AOPEP: variants seen among roughly 807,000 people sequenced by gnomAD.
AOPEP encodes the protein aminopeptidase O (putative), also known as aminopeptidase O.
A neutral mutation model predicts 98.1 loss-of-function variants in AOPEP; 77 were observed. That is an observed-to-expected ratio of 0.78 (90% CI 0.65 to 0.95). The LOEUF is 0.95. AOPEP is among the 40% of genes least tolerant of loss of function. AOPEP has a pLI of 0.00. For synonymous variants in AOPEP, 346 were observed against 365.3 expected (o/e 0.95, Z 0.60); for missense variants, 1,024 against 1,024.7 (o/e 1.00, Z 0.01).
intron 5 of AOPEP, among the ~76,000 whole-genome samples, chr9:94,807,926 C>A (rs1024533544): frequency 6.6e-6 from 1 of 152,226 alleles, no homozygotes; most frequent in Admixed American, 6.5e-5. Context: ...GCAGCTGGAG[C>A]CCACCTCTGC....
At chr9:94,999,402 A>G (rs1352171594) in intron 11 of AOPEP, among the ~76,000 whole-genome samples, 1 of 152,206 alleles carries the variant, frequency 6.6e-6, no homozygotes, top group African/African-American at 2.4e-5. Context: ...AAGAGGGAAA[A>G]GGGATAAATT....
At chr9:94,898,771 G>A (rs938508067) in intron 5 of AOPEP, among the ~76,000 whole-genome samples, 2 of 151,784 alleles carry the variant, frequency 1.3e-5, no homozygotes, top group Admixed American at 6.6e-5. Flanking sequence ...GTGAAACTGC[G>A]TCTCTACTAA....
intron 7 of AOPEP, chr9:94,934,568 T>G (rs1187800290): frequency 6.6e-6 from 1 of 152,260 alleles, no homozygotes; most frequent in East Asian, 1.9e-4. Flanking sequence ...CCACAGCTCT[T>G]AAGAACTTCC....
At chr9:94,924,863 T>A (rs2054072117) in intron 6 of AOPEP, among the ~76,000 whole-genome samples, 1 of 152,238 alleles carries the variant, frequency 6.6e-6, no homozygotes, top group Non-Finnish European at 1.5e-5. Flanking sequence ...AAGACAAACA[T>A]ACCCAGAAGC....
intron 3 of AOPEP, among the ~76,000 whole-genome samples, chr9:94,784,680 A>G (rs112157417): frequency 9.2e-5 from 14 of 152,238 alleles, no homozygotes; most frequent in African/African-American, 2.6e-4. Context: ...CAGTGGTGCA[A>G]TCTTGGCCCA....
intron 5 of AOPEP, among the ~76,000 whole-genome samples, chr9:94,815,466 G>C (rs1315458792): frequency 1.3e-5 from 2 of 152,108 alleles, no homozygotes; most frequent in Non-Finnish European, 2.9e-5. Flanking sequence ...GTCACCTGAG[G>C]CTCCTCAGTT....
the AOPEP span, among the ~76,000 whole-genome samples, chr9:95,104,973 A>G: frequency 1.3e-5 from 2 of 152,158 alleles, no homozygotes; most frequent in African/African-American, 4.8e-5. Context: ...TATTTCGCTC[A>G]GTGTAAAGCC....
chr9:94,959,774 G>GAT lies in AOPEP; in HGVS notation c.1872+3767_1872+3768dup, dbSNP rs2058694054. ...CCCTCAATGTTTATATGTTATACAT[G>GAT]ATATATATACATGTATCTGTGTATG... On this transcript the variant is annotated intron_variant, in intron 9 of 16. Transcript: ENST00000375315. 2.0e-5 allele frequency among the ~76,000 whole-genome samples: 3 copies of GAT among 151,948 alleles called. No homozygotes were observed. The South Asian group carries it at 6.2e-4, about 32-fold the overall frequency.
At chr9:94,928,562 C>T in intron 7 of AOPEP, 31 bp downstream of exon 7, 1 of 1,436,436 alleles carries the variant, frequency 7.0e-7, no homozygotes, top group Non-Finnish European at 9.6e-7. Context: ...ACAGCCCTCT[C>T]ATTCCCCTCC....
chr9:94,776,426 C>T (rs1221894750), intron 3 of AOPEP, among the ~76,000 whole-genome samples: 5 of 152,150 alleles, frequency 3.3e-5, no homozygotes, highest in East Asian at 1.9e-4. Context: ...CTCAGCCTCC[C>T]GAGTAGCTGG....
intron 7 of AOPEP, among the ~76,000 whole-genome samples, chr9:94,945,865 C>G (rs1319692011): frequency 6.6e-6 from 1 of 151,860 alleles, no homozygotes; most frequent in Non-Finnish European, 1.5e-5. Flanking sequence ...CATTTTTATT[C>G]TTTCTACTTT....
intron 5 of AOPEP, chr9:94,904,643 T>A (rs2050884266): frequency 6.6e-6 from 1 of 152,246 alleles, no homozygotes; most frequent in Non-Finnish European, 1.5e-5. Flanking sequence ...TCTAAAGTCT[T>A]CTCTGGGACT....
chr9:94,910,373 G>A (rs1455582198), intron 5 of AOPEP, among the ~76,000 whole-genome samples: 2 of 152,174 alleles, frequency 1.3e-5, no homozygotes, highest in Non-Finnish European at 2.9e-5. Flanking sequence ...TTGCTACCCG[G>A]GTAGGACCCC....
chr9:94,894,633 A>G (rs998091851), intron 5 of AOPEP, among the ~76,000 whole-genome samples: 1 of 152,242 alleles, frequency 6.6e-6, no homozygotes, highest in Non-Finnish European at 1.5e-5. Flanking sequence ...CAAAATTTCA[A>G]TAAACAGGTC....
chr9:95,086,988 A>G lies in AOPEP; in HGVS notation c.*311A>G. ...AAATATATCCAAGAGACATTGGAAA[A>G]CCTGCTGAACATTTTACATTGGTCT... On this transcript the variant is annotated 3_prime_UTR_variant, in exon 17 of 17. Transcript: ENST00000375315. 1.0e-6 allele frequency: 1 copy of G among 977,166 alleles called. No homozygotes were observed. Among genetic ancestry groups the G allele is most frequent in the East Asian group, 1.1e-4 (1 of 8,762 alleles). The allele number at this position is 977,166 out of a possible 1,614,324, so 60.5% of individuals were successfully genotyped here.
chr9:95,017,436 A>G (rs2063101191), intron 13 of AOPEP, among the ~76,000 whole-genome samples: 1 of 152,226 alleles, frequency 6.6e-6, no homozygotes, highest in Non-Finnish European at 1.5e-5. Flanking sequence ...AAACCTGTCT[A>G]AACATAGAAA....
intron 5 of AOPEP, among the ~76,000 whole-genome samples, chr9:94,905,452 A>G (rs2050996076): frequency 6.6e-6 from 1 of 152,260 alleles, no homozygotes; most frequent in Non-Finnish European, 1.5e-5. Context: ...ATGGGGGAGC[A>G]GGAAACTAAG....
intron 7 of AOPEP, among the ~76,000 whole-genome samples, chr9:94,934,083 G>A (rs573534293): frequency 6.6e-6 from 1 of 152,034 alleles, no homozygotes; most frequent in Non-Finnish European, 1.5e-5. Flanking sequence ...AAGCTTACAG[G>A]CTTCAAGGAA....
chr9:94,887,975 A>G (rs1404039428), intron 5 of AOPEP, among the ~76,000 whole-genome samples: 1 of 152,192 alleles, frequency 6.6e-6, no homozygotes, highest in Non-Finnish European at 1.5e-5. Flanking sequence ...AAAGCTATCC[A>G]AGTATAAGGC....
Sources: allele counts gnomAD v4.1 joint callset (sites outside exome capture counted in the v4.1 genomes callset), GRCh38; gene constraint gnomAD v4.1.1; transcripts MANE v1.5; gene names NCBI Gene and HGNC (gene_info 2026-07-23, HGNC 2026-07-21).